GPR173: variants seen among roughly 807,000 people sequenced by gnomAD.
GPR173 encodes the protein G protein-coupled receptor 173.
Under a neutral mutation model 13.9 loss-of-function variants are expected in GPR173, and 2 were observed. The observed-to-expected ratio is 0.14, with a 90% confidence interval of 0.06 to 0.45. GPR173 has a LOEUF of 0.45. Among genes scored for constraint, GPR173 ranks in the 20% least tolerant of loss-of-function variants. The pLI, the probability that GPR173 is intolerant of heterozygous loss-of-function variation, is 0.98. For synonymous variants in GPR173, 131 were observed against 141.0 expected, an observed-to-expected ratio of 0.93 and a Z score of 0.50; for missense variants, 202 against 340.5, an observed-to-expected ratio of 0.59 and a Z score of 3.20.
rs1556806011 is a variant in GPR173 at position 53,077,427 on chromosome X, G to A, written c.806G>A (p.Ser269Asn). 1 of 1,207,808 alleles carries A rather than the reference G, an allele frequency of 8.3e-7. No homozygotes were observed. Among genetic ancestry groups the A allele is most frequent in the Non-Finnish European group, 1.1e-6 (1 of 893,379 alleles). Residue 269 changes from serine to asparagine, a missense_variant, in exon 2 of 2, where the codon AGC (serine) becomes AAC (asparagine). Physicochemically the swap from Ser to Asn is conservative, Grantham distance 46 (BLOSUM62 1). This residue lies in a region of GPR173 where 76 missense variants were observed against 116.3 expected (regional missense o/e 0.65). Transcript: ENST00000332582. ...LGIRQNGHAA[S>N]RRLLGMDEVK... The stretch of plus-strand genomic sequence containing the variant: ...ATCCGGCAGAATGGGCATGCAGCCA[G>A]CCGGCGGCTACTGGGCATGGACGAG...
At chrX:53,062,890 C>G (rs1471346210) in intron 1 of GPR173, among the ~76,000 whole-genome samples, 1 of 111,985 alleles carries the variant, frequency 8.9e-6, no homozygotes, top group African/African-American at 3.2e-5. Context: ...CTTGGGCACA[C>G]TAGAGCTGGG....
intron 1 of GPR173, among the ~76,000 whole-genome samples, chrX:53,070,262 A>G (rs1932240176): frequency 9.0e-6 from 1 of 110,859 alleles, no homozygotes; most frequent in Admixed American, 9.7e-5. Context: ...GTGTGTACCT[A>G]TCTGTCAGTG....
intron 1 of GPR173, among the ~76,000 whole-genome samples, chrX:53,053,449 C>T (rs782689647): frequency 7.1e-5 from 8 of 112,957 alleles, no homozygotes; most frequent in Non-Finnish European, 1.3e-4. Context: ...AGTGAATGTA[C>T]GTCATTCATG....
chrX:53,066,554 G>A (rs1162637313), intron 1 of GPR173, among the ~76,000 whole-genome samples: 16 of 110,068 alleles, frequency 1.5e-4, no homozygotes, highest in African/African-American at 5.3e-4. Context: ...TGTAGTCCCA[G>A]CTACTTGGGA....
chrX:53,058,034 A>G (rs1932063854), intron 1 of GPR173, among the ~76,000 whole-genome samples: 1 of 112,467 alleles, frequency 8.9e-6, no homozygotes, highest in Non-Finnish European at 1.9e-5. Flanking sequence ...ATGTTTGTAC[A>G]TGAAAGTGGG....
rs1556805951 is a variant in GPR173, at chrX:53,077,162, T to C, written c.541T>C (p.Phe181Leu). 1 of 1,207,480 alleles carries C rather than the reference T, an allele frequency of 8.3e-7. No homozygotes were observed. The highest frequency in any genetic ancestry group is 1.7e-5 in the African/African-American group (1 of 57,552). ...EDQCIFEHRY[F>L]KANDTLGFML... ...CCAGTGCATCTTTGAGCATCGCTAC[T>C]TCAAGGCCAATGACACGCTGGGCTT... The change falls in exon 2 of 2, where the codon TTC becomes CTC. Residue 181 changes from phenylalanine to leucine, a missense_variant. Phe to Leu is a conservative substitution (Grantham distance 22, BLOSUM62 0). Transcript: ENST00000332582.
intron 1 of GPR173, among the ~76,000 whole-genome samples, chrX:53,074,440 ATATTTATTTATAAATAAC>A (rs1159132608): frequency 8.1e-5 from 1 of 12,413 alleles, no homozygotes; most frequent in Non-Finnish European, 1.8e-4. Flanking sequence ...AGATTTATAT[ATATTTATTTATAAATAAC>A]TATAAATATA....
At chrX:53,053,166 A>T (rs782632328) in intron 1 of GPR173, among the ~76,000 whole-genome samples, 25 of 112,793 alleles carry the variant, frequency 2.2e-4, no homozygotes, top group Non-Finnish European at 4.3e-4. Context: ...GAACAAGTCT[A>T]TGTGCATGTG....
chrX:53,061,138 G>C (rs782789220), intron 1 of GPR173, among the ~76,000 whole-genome samples: 1 of 108,682 alleles, frequency 9.2e-6, no homozygotes, highest in Admixed American at 9.9e-5. Flanking sequence ...CAGGAGAATG[G>C]CGTGGACCCA....
At chrX:53,065,577 C>G (rs886418144) in intron 1 of GPR173, 1 of 112,020 alleles carries the variant, frequency 8.9e-6, no homozygotes, top group African/African-American at 3.2e-5. Context: ...CTTGAAATAG[C>G]TGCGTGATCT....
intron 1 of GPR173, among the ~76,000 whole-genome samples, chrX:53,072,606 C>CA (rs1932277021): frequency 9.1e-6 from 1 of 110,043 alleles, no homozygotes; most frequent in African/African-American, 3.3e-5. Flanking sequence ...CTGTCTCTGT[C>CA]ACACACACCT....
chrX:53,074,869 G>A (rs1932403636), intron 1 of GPR173, among the ~76,000 whole-genome samples: 1 of 101,274 alleles, frequency 9.9e-6, no homozygotes, highest in African/African-American at 3.6e-5. Context: ...TGGCATGGAG[G>A]GGGCATTATC....
In GPR173 at chrX:53,076,957, C is replaced by T; in HGVS notation, c.336C>T (p.Phe112=). The T allele has an allele frequency of 8.3e-7, 1 of 1,209,972 alleles. No individual in the cohort carries two copies. Among genetic ancestry groups the T allele is most frequent in the South Asian group, 1.8e-5 (1 of 57,052 alleles). Residue 112 remains phenylalanine, a synonymous_variant, in exon 2 of 2, where the codon TTC becomes TTT. Coordinates refer to ENST00000332582, the MANE Select transcript of GPR173 (RefSeq NM_018969.6). ...MAVLFCFHAA[F]MLFCISVTRY... ...TGCTCTTTTGCTTCCATGCGGCCTT[C>T]ATGCTGTTCTGCATCAGCGTCACCC...
intron 1 of GPR173, among the ~76,000 whole-genome samples, chrX:53,056,803 G>A (rs1251466434): frequency 2.7e-5 from 3 of 111,309 alleles, no homozygotes; most frequent in Non-Finnish European, 5.7e-5. Flanking sequence ...AAATGTGAAC[G>A]TGTCCATGTT....
Position 53,077,997 on chromosome X carries a change from A to C in GPR173, c.*254A>C. 6 of 338,436 alleles carry C rather than the reference A, an allele frequency of 1.8e-5. No individual in the cohort carries two copies. Among genetic ancestry groups the C allele is most frequent in the African/African-American group, 3.3e-5 (1 of 30,576 alleles). The allele number at this position is 338,436 out of a possible 1,213,427, so 27.9% of individuals were successfully genotyped here. On this transcript the variant is annotated 3_prime_UTR_variant, in exon 2 of 2. Coordinates refer to ENST00000332582, the MANE Select transcript of GPR173 (RefSeq NM_018969.6). ...CCTCCTTCTCCACTTCTACAATCTCATTCTCTCTCTCTCTCTCTCTGTCTC... is the reference window on the plus strand; with the variant it reads ...CCTCCTTCTCCACTTCTACAATCTCCTTCTCTCTCTCTCTCTCTCTGTCTC...
chrX:53,057,417 C>CAA (rs202011753), intron 1 of GPR173, among the ~76,000 whole-genome samples: 633 of 51,375 alleles, frequency 0.012, 6 homozygotes, highest in Non-Finnish European at 0.018. Context: ...AACTCCATCT[C>CAA]AAAAAAAAAA....
intron 1 of GPR173, among the ~76,000 whole-genome samples, 181 bp from the exon 2 acceptor site, chrX:53,076,344 C>T (rs1352286635): frequency 9.1e-6 from 1 of 109,569 alleles, no homozygotes; most frequent in Admixed American, 9.8e-5. Context: ...CCATTTATAT[C>T]GGTGGCCACT....
intron 1 of GPR173, among the ~76,000 whole-genome samples, chrX:53,066,659 C>A (rs1389217611): frequency 1.0e-4 from 10 of 96,593 alleles, no homozygotes; most frequent in African/African-American, 1.1e-4. Context: ...CAGCGAGACT[C>A]AAAAAAAAAA....
At chrX:53,072,291 A>C (rs1602094002) in intron 1 of GPR173, among the ~76,000 whole-genome samples, 1 of 103,951 alleles carries the variant, frequency 9.6e-6, no homozygotes. Flanking sequence ...ATCTCTCTCC[A>C]GCTACCCTCT....
Sources: gnomAD v4.1 joint callset for allele counts (sites outside exome capture counted in the v4.1 genomes callset) on GRCh38, gnomAD v4.1.1 for gene constraint, gnomAD v4.1.1 regional missense constraint, MANE v1.5 for transcripts, NCBI Gene and HGNC (gene_info 2026-07-23, HGNC 2026-07-21) for gene names.